The following CRCP variants were observed in gnomAD, a reference collection of about 807,000 sequenced individuals.
The protein encoded by CRCP is DNA-directed RNA polymerase III subunit RPC9.
CRCP carries 18 observed loss-of-function variants against 18.5 expected under a neutral mutation model. That is an observed-to-expected ratio of 0.97 (90% confidence interval 0.67 to 1.44). The LOEUF is 1.44. Ranked by LOEUF, CRCP falls within the 40% of genes most tolerant of loss-of-function variation. CRCP has a pLI of 0.00. For synonymous variants in CRCP, 53 were observed against 62.9 expected, an observed-to-expected ratio of 0.84 and a Z score of 0.75; for missense variants, 130 against 176.4, an observed-to-expected ratio of 0.74 and a Z score of 1.49.
Position 66,141,009 on chromosome 7 carries a change from C to T in CRCP, c.240-4434C>T, listed in dbSNP as rs183406867. ...TTTTTTCCACTAATGATCCTAAAATCGAAGATTTTTTAAAATCTTTTTAAA... is the reference window on the plus strand; with the variant it reads ...TTTTTTCCACTAATGATCCTAAAATTGAAGATTTTTTAAAATCTTTTTAAA... On this transcript the variant is annotated intron_variant, in intron 4 of 5. Transcript: ENST00000395326. Among the ~76,000 whole-genome samples the T allele has an allele frequency of 1.5e-3, 233 of 152,226 alleles. 1 individual carries two copies. Among genetic ancestry groups the T allele is most frequent in the African/African-American group, 4.6e-3 (190 of 41,538 alleles).
At chr7:66,129,993 C>T (rs1487267609) in intron 2 of CRCP, 3 of 234,042 alleles carry the variant, frequency 1.3e-5, no homozygotes, top group South Asian at 4.3e-5. Flanking sequence ...GCATTTTTTC[C>T]TTTCTTTTTT....
Position 66,152,676 on chromosome 7 carries a change from T to A in CRCP, c.*319T>A, listed in dbSNP as rs745482498. ...AGGTCTCTGTGCACAGCGGGGAAAATGCTTGTGTCGCCTTTGGTGGGCCAT... is the reference window on the plus strand; with the variant it reads ...AGGTCTCTGTGCACAGCGGGGAAAAAGCTTGTGTCGCCTTTGGTGGGCCAT... On this transcript the variant is annotated 3_prime_UTR_variant, in exon 6 of 6. Transcript: ENST00000395326. The A allele has an allele frequency of 2.2e-5, 6 of 269,146 alleles. No individual in the cohort carries two copies. Among genetic ancestry groups the A allele is most frequent in the Admixed American group, 9.8e-5 (2 of 20,392 alleles). The allele number at this position is 269,146 out of a possible 1,614,324, so 16.7% of individuals were successfully genotyped here. A position where few individuals can be genotyped will look rare whatever the true frequency, so the allele number is the denominator to read the frequency against.
At chr7:66,148,798 C>G (rs2116046802) in intron 5 of CRCP, among the ~76,000 whole-genome samples, 1 of 152,356 alleles carries the variant, frequency 6.6e-6, no homozygotes, top group Non-Finnish European at 1.5e-5. Context: ...GAAGTCTTGA[C>G]TCATATAGAG....
intron 1 of CRCP, among the ~76,000 whole-genome samples, chr7:66,122,217 T>C (rs1228323818): frequency 1.3e-5 from 2 of 151,798 alleles, no homozygotes; most frequent in Non-Finnish European, 2.9e-5. Context: ...CTACTAAAAA[T>C]ACAAAAAATT....
chr7:66,125,295 C>T (rs1304548817), intron 1 of CRCP, among the ~76,000 whole-genome samples: 2 of 149,112 alleles, frequency 1.3e-5, no homozygotes, highest in Non-Finnish European at 3.0e-5. Flanking sequence ...GTTACAGTAA[C>T]TTCTCAAAGA....
intron 4 of CRCP, among the ~76,000 whole-genome samples, chr7:66,136,370 A>G (rs755693214): frequency 1.3e-5 from 2 of 152,112 alleles, no homozygotes; most frequent in South Asian, 2.1e-4. Flanking sequence ...AGCTGGGATT[A>G]CAGGCATCTG....
At chr7:66,141,146 C>T (rs1402269160) in intron 4 of CRCP, among the ~76,000 whole-genome samples, 1 of 152,152 alleles carries the variant, frequency 6.6e-6, no homozygotes, top group Non-Finnish European at 1.5e-5. Flanking sequence ...GAAGAGGGAG[C>T]GGCAGGCTTC....
chr7:66,132,828 G>A (rs1381432162), intron 3 of CRCP, among the ~76,000 whole-genome samples: 1 of 151,932 alleles, frequency 6.6e-6, no homozygotes, highest in African/African-American at 2.4e-5. Context: ...GGAGAATGGC[G>A]TGAACCTGGG....
chr7:66,127,026 A>G lies in CRCP; in HGVS notation c.9-678A>G, dbSNP rs1387556030. Among the ~76,000 whole-genome samples the G allele has an allele frequency of 2.0e-5, 3 of 152,240 alleles. No homozygotes were observed. In the East Asian group the frequency reaches 5.8e-4, roughly 29 times the overall value. On this transcript the variant is annotated intron_variant, in intron 1 of 5. Coordinates refer to ENST00000395326, the MANE Select transcript of CRCP (RefSeq NM_014478.5). ...GGAAAACTTAAGGAGTAATTAACTT[A>G]ACTAAAATTCTCACAGCACATAAGT... is the stretch of plus-strand genomic sequence containing the variant.
intron 1 of CRCP, among the ~76,000 whole-genome samples, chr7:66,123,286 A>T (rs1464438711): frequency 6.6e-6 from 1 of 152,078 alleles, no homozygotes; most frequent in Non-Finnish European, 1.5e-5. Flanking sequence ...CCTACAGGAG[A>T]ATATGAAGTT....
chr7:66,145,381 C>T, intron 4 of CRCP, 62 bp from the exon 5 acceptor site: 1 of 1,535,280 alleles, frequency 6.5e-7, no homozygotes, highest in South Asian at 1.1e-5. Flanking sequence ...CTCTGTGCAG[C>T]TCAGTCAGGA....
chr7:66,145,421 A>G (rs1339400332), intron 4 of CRCP, 22 bp from the exon 5 acceptor site: 1 of 1,613,182 alleles, frequency 6.2e-7, no homozygotes, highest in Non-Finnish European at 8.5e-7. Context: ...CGAGTTGTCA[A>G]CGCTGTACTT....
Position 66,150,399 on chromosome 7 carries a change from C to A in CRCP, c.298-1809C>A, listed in dbSNP as rs1288314160. 4.4e-5 allele frequency among the ~76,000 whole-genome samples: 6 copies of A among 136,870 alleles called. No homozygotes were observed. The Admixed American group carries it at 4.6e-4, about 10-fold the overall frequency. The allele number at this position is 136,870 out of a possible 152,430, so 89.8% of individuals were successfully genotyped here. A position where few individuals can be genotyped will look rare whatever the true frequency, so the allele number is the denominator to read the frequency against. ...TGTTTCTTTCTCAGAAGAGAATTTA[C>A]ATTTTCCTGAGCCATGGAATCTTTA... is the stretch of plus-strand genomic sequence containing the variant. On this transcript the variant is annotated intron_variant, in intron 5 of 5. Coordinates refer to ENST00000395326, the MANE Select transcript of CRCP (RefSeq NM_014478.5).
At chr7:66,152,140 AG>A in intron 5 of CRCP, 67 bp from the exon 6 acceptor site, 1 of 1,560,892 alleles carries the variant, frequency 6.4e-7, no homozygotes, top group Non-Finnish European at 8.8e-7. Flanking sequence ...CCATGAGCAC[AG>A]TGGGCAGGGC....
rs1788510248 is a variant in CRCP, at chr7:66,152,616, A to C, written c.*259A>C. The C allele has an allele frequency of 2.3e-6, 1 of 426,250 alleles. No individual in the cohort carries two copies. The highest frequency in any genetic ancestry group is 4.3e-6 in the Non-Finnish European group (1 of 231,064). The allele number at this position is 426,250 out of a possible 1,614,324, so 26.4% of individuals were successfully genotyped here. A position where few individuals can be genotyped will look rare whatever the true frequency, so the allele number is the denominator to read the frequency against. ...GACCGCGGACCCCTCTGTGCTTGAA[A>C]GATTTCCTCCACGGCCTTTGCCCCA... On this transcript the variant is annotated 3_prime_UTR_variant, in exon 6 of 6. Transcript: ENST00000395326.
At chr7:66,130,911 C>T (rs909432667) in intron 3 of CRCP, 69 bp downstream of exon 3, 2 of 860,132 alleles carry the variant, frequency 2.3e-6, no homozygotes, top group African/African-American at 3.4e-5. Context: ...CTCCCAATGA[C>T]TGGCAGCTGA....
chr7:66,134,411 T>C (rs1056886265), intron 4 of CRCP, 37 bp downstream of exon 4: 5 of 1,362,856 alleles, frequency 3.7e-6, no homozygotes, highest in Non-Finnish European at 5.2e-6. Context: ...GCGTGACACA[T>C]GGTGAAATGA....
At chr7:66,117,319 T>G (rs1400705357) in intron 1 of CRCP, among the ~76,000 whole-genome samples, 1 of 152,136 alleles carries the variant, frequency 6.6e-6, no homozygotes, top group East Asian at 1.9e-4. Flanking sequence ...CCCGTTCCTC[T>G]CTTGCTTGAT....
chr7:66,133,224 G>T (rs1787861344), intron 3 of CRCP, among the ~76,000 whole-genome samples: 1 of 152,062 alleles, frequency 6.6e-6, no homozygotes, highest in East Asian at 1.9e-4. Flanking sequence ...TCTCATTCTT[G>T]GCCGGGTGCG....
Sources: gnomAD v4.1 joint callset for allele counts (sites outside exome capture counted in the v4.1 genomes callset) on GRCh38, gnomAD v4.1.1 for gene constraint, MANE v1.5 for transcripts, NCBI Gene and HGNC (gene_info 2026-07-23, HGNC 2026-07-21) for gene names.